Variants in KCNMA1 observed in about 807,000 individuals in gnomAD.
KCNMA1 encodes potassium calcium-activated channel subfamily M alpha 1.
KCNMA1 carries 29 observed loss-of-function variants against 140.0 expected under a neutral mutation model. That is an observed-to-expected ratio of 0.21 (90% CI 0.15 to 0.28). The LOEUF (loss-of-function observed/expected upper bound fraction) is 0.28, where lower values mean the gene tolerates loss of function less well. Among genes scored for constraint, KCNMA1 ranks in the 10% least tolerant of loss-of-function variants. KCNMA1 has a pLI of 1.00. For synonymous variants in KCNMA1, 612 were observed against 611.9 expected (o/e 1.00, Z 0.00); for missense variants, 880 against 1,602.2 (o/e 0.55, Z 7.70).
Position 76,915,607 on chromosome 10 carries a change from ATTTG to A in KCNMA1, c.2903-562_2903-559del, listed in dbSNP as rs535599042. Among the ~76,000 whole-genome samples, 1,349 of 152,156 alleles carry A rather than the reference ATTTG, an allele frequency of 8.9e-3. 17 individuals are homozygous for A. Among genetic ancestry groups the A allele is most frequent in the African/African-American group, 0.03 (1,260 of 41,502 alleles). ...AGCTGTGTTGCTTTAAGCCGCTGAG[ATTTG>A]TTTGTTTGTTTGTTTGTTGTTGTTG... is the stretch of plus-strand genomic sequence containing the variant. On this transcript the variant is annotated intron_variant, in intron 23 of 27. Transcript: ENST00000286628.
At chr10:77,326,008 C>T (rs1272936987) in intron 2 of KCNMA1, among the ~76,000 whole-genome samples, 1 of 152,108 alleles carries the variant, frequency 6.6e-6, no homozygotes, top group East Asian at 1.9e-4. Context: ...TGGTTTCTTC[C>T]CCCCCATTTC....
chr10:77,458,196 C>T (rs556224907), intron 1 of KCNMA1, among the ~76,000 whole-genome samples: 34 of 152,216 alleles, frequency 2.2e-4, no homozygotes, highest in Non-Finnish European at 4.7e-4. Flanking sequence ...GATAATGCAG[C>T]CAGGGCACTG....
chr10:76,974,414 G>A (rs2076903856), intron 19 of KCNMA1: 2 of 906,052 alleles, frequency 2.2e-6, no homozygotes, highest in South Asian at 3.0e-5. Context: ...ACTGAGCTCA[G>A]CATGGTAAAG....
downstream of KCNMA1, chr10:76,884,798 A>G (rs2036124599): frequency 1.4e-6 from 1 of 727,510 alleles, no homozygotes; most frequent in Non-Finnish European, 2.1e-6. Context: ...GGGAAAGGGG[A>G]GGGGGGGAAA....
At chr10:77,586,021 T>A (rs372814871) in intron 1 of KCNMA1, among the ~76,000 whole-genome samples, 1 of 152,350 alleles carries the variant, frequency 6.6e-6, no homozygotes, top group East Asian at 1.9e-4. Flanking sequence ...CACGCACACT[T>A]TATATCAGAG....
chr10:77,601,220 G>A (rs74977349), intron 1 of KCNMA1, among the ~76,000 whole-genome samples: 2,317 of 152,246 alleles, frequency 0.015, 64 homozygotes, highest in African/African-American at 0.053. Context: ...GGGCTCACGT[G>A]GGGAAGGTTC....
intron 5 of KCNMA1, among the ~76,000 whole-genome samples, chr10:77,121,635 A>G (rs539526699): frequency 1.9e-4 from 29 of 152,156 alleles, no homozygotes; most frequent in Admixed American, 1.8e-3. Context: ...CAAAATTTAT[A>G]TAGTTCCCCT....
At chr10:77,162,027 T>C (rs958445451) in intron 5 of KCNMA1, among the ~76,000 whole-genome samples, 1 of 152,210 alleles carries the variant, frequency 6.6e-6, no homozygotes, top group African/African-American at 2.4e-5. Flanking sequence ...CTTTCCTTCC[T>C]TTGCCTTTTT....
At chr10:77,230,230 A>G (rs1288191319) in intron 3 of KCNMA1, among the ~76,000 whole-genome samples, 1 of 152,242 alleles carries the variant, frequency 6.6e-6, no homozygotes, top group Non-Finnish European at 1.5e-5. Flanking sequence ...TGAAACATCT[A>G]GAAGAGGTAA....
At chr10:77,636,437 G>GTAAAACCGCGGCCTCAGGCGGACTCCCGC in intron 1 of KCNMA1, 2 of 1,536,206 alleles carry the variant, frequency 1.3e-6, no homozygotes, top group Non-Finnish European at 1.7e-6. Context: ...GACGCTCCGC[G>GTAAAACCGCGGCCTCAGGCGGACTCCCGC]TAAAACCGCG....
intron 2 of KCNMA1, among the ~76,000 whole-genome samples, chr10:77,291,300 T>C (rs1228495822): frequency 6.6e-6 from 1 of 152,162 alleles, no homozygotes; most frequent in Non-Finnish European, 1.5e-5. Flanking sequence ...GGAACTTTGA[T>C]AAAGTACCAG....
intron 21 of KCNMA1, 82 bp from the exon 22 acceptor site, chr10:76,949,448 A>G: frequency 2.6e-6 from 3 of 1,143,372 alleles, no homozygotes; most frequent in Non-Finnish European, 3.9e-6. Context: ...CATTTGTGCA[A>G]AGAATCAAGC....
chr10:77,076,176 G>GA (rs1555206607), intron 13 of KCNMA1, among the ~76,000 whole-genome samples: 13 of 150,722 alleles, frequency 8.6e-5, no homozygotes, highest in African/African-American at 2.9e-4. Flanking sequence ...GTGGACAGTG[G>GA]AAAAAAAAAG....
chr10:77,332,282 T>C (rs1328271500), intron 2 of KCNMA1, among the ~76,000 whole-genome samples: 1 of 152,020 alleles, frequency 6.6e-6, no homozygotes, highest in Non-Finnish European at 1.5e-5. Context: ...TAAGGAAACA[T>C]TTGAGCAAAA....
intron 5 of KCNMA1, among the ~76,000 whole-genome samples, chr10:77,143,115 A>G (rs909422001): frequency 3.3e-5 from 5 of 152,314 alleles, no homozygotes; most frequent in Admixed American, 1.3e-4. Context: ...GAGTATTATG[A>G]AAAGAAAAAA....
intron 2 of KCNMA1, among the ~76,000 whole-genome samples, chr10:77,262,537 T>C (rs2062292012): frequency 6.6e-6 from 1 of 151,676 alleles, no homozygotes; most frequent in Non-Finnish European, 1.5e-5. Flanking sequence ...TGTTGAAACA[T>C]GACCCCCAGT....
At chr10:77,598,433 T>C (rs1179321510) in intron 1 of KCNMA1, among the ~76,000 whole-genome samples, 1 of 152,138 alleles carries the variant, frequency 6.6e-6, no homozygotes, top group Non-Finnish European at 1.5e-5. Context: ...GACCCGGGCC[T>C]GGGGAAATAA....
chr10:77,031,311 T>C (rs1474009580), intron 15 of KCNMA1, among the ~76,000 whole-genome samples: 6 of 152,198 alleles, frequency 3.9e-5, no homozygotes, highest in East Asian at 3.9e-4. Flanking sequence ...TAGGGCCACA[T>C]TGGCACCACA....
At chr10:77,328,009 TG>T (rs1385469352) in intron 2 of KCNMA1, among the ~76,000 whole-genome samples, 1 of 152,174 alleles carries the variant, frequency 6.6e-6, no homozygotes, top group East Asian at 1.9e-4. Context: ...GAGGACCTTG[TG>T]GGAGTGCACA....
Sources: gnomAD v4.1 joint callset for allele counts (sites outside exome capture counted in the v4.1 genomes callset) on GRCh38, gnomAD v4.1.1 for gene constraint, MANE v1.5 for transcripts, NCBI Gene and HGNC (gene_info 2026-07-23, HGNC 2026-07-21) for gene names.